Variants in DAB1 observed in about 807,000 individuals in gnomAD.
The protein encoded by DAB1 is DAB adaptor protein 1, also known as disabled homolog 1.
A neutral mutation model predicts 64.6 loss-of-function variants in DAB1; 15 were observed. The observed-to-expected ratio is 0.23, with a 90% CI of 0.16 to 0.36. DAB1 has a LOEUF of 0.36. DAB1 is among the 10% of genes least tolerant of loss of function. The pLI, the probability that DAB1 is intolerant of heterozygous loss-of-function variation, is 1.00. For synonymous variants in DAB1, 235 were observed against 251.9 expected (o/e 0.93, Z 0.64); for missense variants, 596 against 706.7 (o/e 0.84, Z 1.78).
intron 7 of DAB1, among the ~76,000 whole-genome samples, chr1:57,553,320 A>G (rs1644936144): frequency 6.7e-6 from 1 of 150,228 alleles, no homozygotes; most frequent in South Asian, 2.1e-4. Context: ...GAACCAATTC[A>G]AGAAAGGAAA....
intron 2 of DAB1, among the ~76,000 whole-genome samples, chr1:58,511,480 T>C (rs987609966): frequency 2.0e-5 from 3 of 152,072 alleles, no homozygotes; most frequent in Non-Finnish European, 4.4e-5. Context: ...AAACCATCTC[T>C]ACAAAAAATT....
At chr1:57,913,331 C>A (rs183441518) in intron 5 of DAB1, among the ~76,000 whole-genome samples, 8,273 of 152,138 alleles carry the variant, frequency 0.054, 777 homozygotes, top group African/African-American at 0.19. Flanking sequence ...CTGACAAAAA[C>A]AAGAAATGGG....
Position 58,316,475 on chromosome 1 carries a change from A to C in DAB1, n.309+26877T>G, listed in dbSNP as rs551519742. On this transcript the variant is annotated intron_variant and non_coding_transcript_variant, in intron 4 of 20. Coordinates refer to the DAB1 transcript ENST00000485760. The stretch of plus-strand genomic sequence containing the variant: ...GAGCCAGGCTGGGTGCTGGGGACAC[A>C]TAGTGAATAGACCTCAGTCTCTGCC... 6.6e-5 allele frequency among the ~76,000 whole-genome samples: 10 copies of C among 152,322 alleles called. No individual in the cohort carries two copies. In the South Asian group the frequency reaches 1.2e-3, roughly 19 times the overall value.
chr1:57,699,283 T>C (rs908241168), intron 6 of DAB1, among the ~76,000 whole-genome samples: 5 of 152,152 alleles, frequency 3.3e-5, no homozygotes, highest in African/African-American at 1.2e-4. Context: ...TTACTAACAT[T>C]TCACATCTTT....
chr1:58,500,597 AT>A (rs1235725211), intron 3 of DAB1, among the ~76,000 whole-genome samples: 2 of 152,184 alleles, frequency 1.3e-5, no homozygotes, highest in Non-Finnish European at 2.9e-5. Context: ...TTTGATAAAG[AT>A]TTTTTTAAGT....
chr1:57,427,143 G>A (rs1412653357), upstream of DAB1, among the ~76,000 whole-genome samples: 2 of 152,170 alleles, frequency 1.3e-5, no homozygotes, highest in Admixed American at 6.5e-5. Context: ...GATTACAGGC[G>A]TGAGCCACCA....
intron 5 of DAB1, among the ~76,000 whole-genome samples, chr1:58,147,572 CA>C (rs1259197371): frequency 2.0e-5 from 3 of 150,314 alleles, no homozygotes; most frequent in African/African-American, 7.4e-5. Context: ...GCTGAGATTG[CA>C]CTGCACTCCA....
chr1:58,097,373 C>T (rs2100624093), intron 5 of DAB1, among the ~76,000 whole-genome samples: 1 of 152,274 alleles, frequency 6.6e-6, no homozygotes, highest in African/African-American at 2.4e-5. Context: ...GAGCTTCCAT[C>T]TAATGGGAAA....
chr1:57,704,549 T>C lies in DAB1; in HGVS notation n.552-54884A>G, dbSNP rs556523169. The stretch of plus-strand genomic sequence containing the variant: ...ATCTCAAGCAGCAAAGGAACCTGGA[T>C]AGCTTCCATTTTTAGCTTCTTTCTA... On this transcript the variant is annotated intron_variant and non_coding_transcript_variant, in intron 6 of 20. Transcript: ENST00000485760. Among the ~76,000 whole-genome samples the C allele has an allele frequency of 2.6e-5, 4 of 152,340 alleles. No homozygotes were observed. The East Asian group carries it at 7.7e-4, about 29-fold the overall frequency.
intron 3 of DAB1, among the ~76,000 whole-genome samples, chr1:58,461,801 G>A (rs368694595): frequency 4.7e-4 from 72 of 152,246 alleles, no homozygotes; most frequent in African/African-American, 1.6e-3. Context: ...TGAGAAATGC[G>A]CTGATTTTCA....
At chr1:57,298,545 G>C (rs1673382992) in intron 1 of DAB1, among the ~76,000 whole-genome samples, 1 of 152,144 alleles carries the variant, frequency 6.6e-6, no homozygotes, top group South Asian at 2.1e-4. Context: ...TAACAAGAAA[G>C]GGGAGAAAAC....
At chr1:58,050,968 G>A (rs541909233) in intron 5 of DAB1, among the ~76,000 whole-genome samples, 12 of 152,272 alleles carry the variant, frequency 7.9e-5, no homozygotes, top group Non-Finnish European at 2.9e-5. Flanking sequence ...TTCTAGGTGT[G>A]AGAAATACTG....
intron 3 of DAB1, among the ~76,000 whole-genome samples, chr1:58,497,816 C>T (rs1373132335): frequency 6.6e-6 from 1 of 152,124 alleles, no homozygotes; most frequent in African/African-American, 2.4e-5. Flanking sequence ...TACAACGTGG[C>T]GGCTTTCCCT....
intron 4 of DAB1, among the ~76,000 whole-genome samples, chr1:57,114,882 C>A (rs1655971827): frequency 6.6e-6 from 1 of 152,188 alleles, no homozygotes; most frequent in South Asian, 2.1e-4. Context: ...GGCTCTGCCA[C>A]TTAATCATCA....
At chr1:57,820,618 T>A (rs778565664) in intron 6 of DAB1, among the ~76,000 whole-genome samples, 31 of 152,332 alleles carry the variant, frequency 2.0e-4, no homozygotes, top group Admixed American at 2.0e-4. Context: ...TACTCCAGAT[T>A]AATAGGATCA....
chr1:57,844,269 T>C, intron 1 of DAB1, among the ~76,000 whole-genome samples: 1 of 152,238 alleles, frequency 6.6e-6, no homozygotes, highest in East Asian at 1.9e-4. Flanking sequence ...TATATTATGA[T>C]GGGTTGCAGG....
At chr1:58,037,372 C>A in intron 5 of DAB1, among the ~76,000 whole-genome samples, 1 of 152,142 alleles carries the variant, frequency 6.6e-6, no homozygotes, top group Non-Finnish European at 1.5e-5. Flanking sequence ...GGGTCCCCAA[C>A]CCCTGGGCTG....
At chr1:57,899,710 A>G (rs759526805) in intron 5 of DAB1, among the ~76,000 whole-genome samples, 2 of 151,810 alleles carry the variant, frequency 1.3e-5, no homozygotes. Flanking sequence ...AAAAAAAAGT[A>G]CTTTAGAAGC....
intron 5 of DAB1, among the ~76,000 whole-genome samples, chr1:57,966,735 C>T (rs191232054): frequency 9.9e-5 from 15 of 152,114 alleles, no homozygotes; most frequent in Non-Finnish European, 1.8e-4. Context: ...CGTGTATGTA[C>T]ACATTTCCAG....
Sources: gnomAD v4.1 joint callset for allele counts (sites outside exome capture counted in the v4.1 genomes callset) on GRCh38, gnomAD v4.1.1 for gene constraint, MANE v1.5 for transcripts, NCBI Gene and HGNC (gene_info 2026-07-23, HGNC 2026-07-21) for gene names.